The following PTPRN2 variants were observed in gnomAD, a reference collection of about 807,000 sequenced individuals.
PTPRN2 encodes the protein protein tyrosine phosphatase receptor type N2, also known as receptor-type tyrosine-protein phosphatase N2.
Under a neutral mutation model 118.8 loss-of-function variants are expected in PTPRN2, and 74 were observed. The ratio of observed to expected loss-of-function variants is 0.62; its 90% CI spans 0.52 to 0.76. The LOEUF is 0.76. PTPRN2 is among the 30% of genes least tolerant of loss of function. The pLI is 0.00. For missense variants in PTPRN2, 1,481 were observed against 1,394.4 expected, an observed-to-expected ratio of 1.06 and a Z score of -0.99; for synonymous variants, 641 against 608.0, an observed-to-expected ratio of 1.05 and a Z score of -0.80.
At position 157,903,506 on chromosome 7, in the gene PTPRN2, A is replaced by G. The variant is rs1396923779; in HGVS notation, c.1724-4769T>C. 6.6e-6 allele frequency among the ~76,000 whole-genome samples: 1 copy of G among 152,190 alleles called. No homozygotes were observed. The highest frequency in any genetic ancestry group is 1.5e-5 in the Non-Finnish European group (1 of 68,040). On this transcript the variant is annotated intron_variant, in intron 11 of 22. Coordinates refer to ENST00000389418, the MANE Select transcript of PTPRN2 (RefSeq NM_002847.5). The surrounding 1 kb of genome is among the most constrained non-coding windows in gnomAD (Gnocchi z 4.2). ...AAATTAAAAATACGGATAAGTGAACAGATGTGCCACCGACAACCCTCCCAC... is the reference window on the plus strand; with the variant it reads ...AAATTAAAAATACGGATAAGTGAACGGATGTGCCACCGACAACCCTCCCAC...
intron 3 of PTPRN2, among the ~76,000 whole-genome samples, chr7:158,273,773 GA>G (rs1165678779): frequency 1.7e-5 from 2 of 120,132 alleles, no homozygotes; most frequent in Non-Finnish European, 1.7e-5. Flanking sequence ...ACAGACATGG[GA>G]GGAGCCGCAG....
intron 12 of PTPRN2, among the ~76,000 whole-genome samples, chr7:157,800,973 A>G (rs1805245670): frequency 6.7e-6 from 1 of 149,364 alleles, no homozygotes. Context: ...ATATATACAT[A>G]TATATATATA....
chr7:158,085,020 C>A (rs1813187830), intron 10 of PTPRN2, among the ~76,000 whole-genome samples: 1 of 135,388 alleles, frequency 7.4e-6, no homozygotes, highest in Non-Finnish European at 1.6e-5. Context: ...CCCATCCACA[C>A]CCACGACGCC....
intron 2 of PTPRN2, among the ~76,000 whole-genome samples, chr7:158,482,287 A>G (rs1246039035): frequency 1.3e-5 from 2 of 152,246 alleles, no homozygotes; most frequent in East Asian, 1.9e-4. Flanking sequence ...AAAATGTTCT[A>G]CTGCGGGTAA....
At chr7:157,553,330 C>T (rs1474715573) in intron 21 of PTPRN2, among the ~76,000 whole-genome samples, 1 of 152,140 alleles carries the variant, frequency 6.6e-6, no homozygotes, top group African/African-American at 2.4e-5. Flanking sequence ...GGAGACTGTC[C>T]CTCACTGGCA....
At chr7:157,556,101 A>C (rs906002270) in intron 21 of PTPRN2, among the ~76,000 whole-genome samples, 2 of 152,162 alleles carry the variant, frequency 1.3e-5, no homozygotes, top group African/African-American at 4.8e-5. Flanking sequence ...GCTCAAGGTA[A>C]CTGTGGTTGG....
chr7:158,324,088 C>T (rs755940221), intron 2 of PTPRN2, among the ~76,000 whole-genome samples: 5 of 152,018 alleles, frequency 3.3e-5, no homozygotes, highest in Non-Finnish European at 7.3e-5. Context: ...CCCAGACACA[C>T]TAACTCATAT....
intron 12 of PTPRN2, among the ~76,000 whole-genome samples, chr7:157,783,608 A>G (rs772162036): frequency 6.6e-6 from 1 of 151,244 alleles, no homozygotes; most frequent in Non-Finnish European, 1.5e-5. Context: ...TCCTGGCTAT[A>G]AAAAGTTCTG....
rs1400672918 is a variant in PTPRN2, at chr7:157,901,891, CCGTCCG to C, written c.1724-3160_1724-3155del. Among the ~76,000 whole-genome samples the C allele has an allele frequency of 7.0e-4, 102 of 145,566 alleles. 5 individuals carry two copies. The highest frequency in any genetic ancestry group is 2.6e-3 in the African/African-American group (98 of 37,782). ...TCCTGGGTCCTGAGGCGGGGCCTTC[CCGTCCG>C]TGTTTCCTGGGTCCTGAGGCGGGGC... On this transcript the variant is annotated intron_variant, in intron 11 of 22. Coordinates refer to ENST00000389418, the MANE Select transcript of PTPRN2 (RefSeq NM_002847.5).
At chr7:157,571,205 A>T (rs1277154959) in intron 20 of PTPRN2, among the ~76,000 whole-genome samples, 1 of 151,336 alleles carries the variant, frequency 6.6e-6, no homozygotes, top group Non-Finnish European at 1.5e-5. Context: ...ACAGAGTTAA[A>T]AAAAAAAAAA....
Position 158,336,623 on chromosome 7 carries a change from C to A in PTPRN2, c.164-19691G>T, listed in dbSNP as rs1379886605. Among the ~76,000 whole-genome samples, 3 of 147,268 alleles carry A rather than the reference C, an allele frequency of 2.0e-5. 1 individual carries two copies. The highest frequency in any genetic ancestry group is 5.1e-5 in the African/African-American group (2 of 39,370). Reference sequence around the variant, plus strand: ...CCCACACTCTCACCATAATTGGTGACACATGCAGACGTCACTCACACCCAC... The same window carrying A: ...CCCACACTCTCACCATAATTGGTGAAACATGCAGACGTCACTCACACCCAC... On this transcript the variant is annotated intron_variant, in intron 2 of 22. Coordinates refer to ENST00000389418, the MANE Select transcript of PTPRN2 (RefSeq NM_002847.5).
At chr7:158,567,243 C>T (rs1295736678) in intron 1 of PTPRN2, among the ~76,000 whole-genome samples, 2 of 152,196 alleles carry the variant, frequency 1.3e-5, no homozygotes, top group Non-Finnish European at 2.9e-5. Flanking sequence ...ATTGCCCTCA[C>T]GGGCCACCTG....
chr7:157,597,900 A>G (rs1471970763), intron 16 of PTPRN2, among the ~76,000 whole-genome samples: 1 of 152,240 alleles, frequency 6.6e-6, no homozygotes, highest in Admixed American at 6.5e-5. Flanking sequence ...TCAGGAGACA[A>G]TTACATTCAT....
chr7:158,524,535 G>A (rs1486460727), intron 1 of PTPRN2, among the ~76,000 whole-genome samples: 2 of 150,542 alleles, frequency 1.3e-5, no homozygotes, highest in African/African-American at 4.9e-5. Flanking sequence ...GTCTGCCCTG[G>A]AGTGGAGTCT....
Position 157,568,926 on chromosome 7 carries a change from T to G in PTPRN2, c.2878A>C (p.Met960Leu), listed in dbSNP as rs894999102. ...GRSGTYVLIDMVLNKMAKGAK... is the reference protein window; with the variant it reads ...GRSGTYVLIDLVLNKMAKGAK... ...CCTTTGGCCATCTTGTTGAGAACCA[T>G]GTCGATCAGGACGTAGGTGCCGCTC... Residue 960 changes from methionine (M) to leucine (L), a missense_variant, in exon 21 of 23, where the codon ATG becomes CTG. Physicochemically the swap from Met to Leu is conservative, Grantham distance 15. Transcript: ENST00000389418. 7.6e-6 allele frequency: 12 copies of G among 1,576,152 alleles called. No individual in the cohort carries two copies. The highest frequency in any genetic ancestry group is 1.0e-5 in the Non-Finnish European group (12 of 1,145,696).
At chr7:157,735,413 A>T (rs1800240230) in intron 12 of PTPRN2, among the ~76,000 whole-genome samples, 1 of 152,172 alleles carries the variant, frequency 6.6e-6, no homozygotes, top group South Asian at 2.1e-4. Context: ...CCAGGAGTGC[A>T]TCTGACTTTG....
intron 5 of PTPRN2, among the ~76,000 whole-genome samples, chr7:158,171,923 A>G (rs551411272): frequency 6.6e-6 from 1 of 152,324 alleles, no homozygotes; most frequent in Admixed American, 6.5e-5. Context: ...TTTCCAGTAC[A>G]GGCGATGGAC....
At chr7:157,840,164 CCTGTGTGA>C (rs1370372220) in intron 12 of PTPRN2, among the ~76,000 whole-genome samples, 16 of 130,088 alleles carry the variant, frequency 1.2e-4, no homozygotes, top group African/African-American at 3.0e-4. Flanking sequence ...ACTGTGTGGC[CCTGTGTGA>C]CTGTGTGACC....
chr7:157,984,106 G>A (rs1207071142), intron 11 of PTPRN2, among the ~76,000 whole-genome samples: 1 of 152,048 alleles, frequency 6.6e-6, no homozygotes, highest in Non-Finnish European at 1.5e-5. Flanking sequence ...GGAGACAGCC[G>A]GGAACCCAGC....
Sources: allele counts gnomAD v4.1 joint callset (sites outside exome capture counted in the v4.1 genomes callset), GRCh38; gene constraint gnomAD v4.1.1; non-coding constraint Gnocchi (gnomAD v3.1); transcripts MANE v1.5; gene names NCBI Gene and HGNC (gene_info 2026-07-23, HGNC 2026-07-21).